The following DNAH7 variants were observed in gnomAD, a reference collection of about 807,000 sequenced individuals.
DNAH7 encodes the protein dynein axonemal heavy chain 7, also known as axonemal beta dynein heavy chain 7.
Under a neutral mutation model 444.6 loss-of-function variants are expected in DNAH7, and 397 were observed. The observed-to-expected ratio is 0.89, with a 90% CI of 0.82 to 0.97. DNAH7 has a LOEUF of 0.97. DNAH7 is among the 50% of genes least tolerant of loss of function. The pLI is 0.00. For synonymous variants in DNAH7, 1,636 were observed against 1,624.4 expected (o/e 1.01, Z -0.17); for missense variants, 4,902 against 4,800.8 (o/e 1.02, Z -0.62).
intron 5 of DNAH7, among the ~76,000 whole-genome samples, chr2:196,046,734 T>C (rs776701627): frequency 5.3e-5 from 8 of 151,840 alleles, no homozygotes; most frequent in Non-Finnish European, 1.2e-4. Flanking sequence ...CATGGGACAG[T>C]AGAACAGGGT....
intron 49 of DNAH7, among the ~76,000 whole-genome samples, chr2:195,819,243 G>A (rs987667171): frequency 2.0e-5 from 3 of 152,044 alleles, no homozygotes; most frequent in Non-Finnish European, 4.4e-5. Flanking sequence ...CTTCCTCATA[G>A]GGGTCTTAAC....
intron 5 of DNAH7, among the ~76,000 whole-genome samples, chr2:196,042,541 A>T (rs1696834702): frequency 6.6e-6 from 1 of 152,060 alleles, no homozygotes; most frequent in South Asian, 2.1e-4. Flanking sequence ...AAAAGGGCCA[A>T]ATATTTAAAT....
intron 5 of DNAH7, among the ~76,000 whole-genome samples, chr2:196,044,198 T>C (rs922412560): frequency 1.2e-5 from 1 of 83,092 alleles, no homozygotes; most frequent in African/African-American, 4.7e-5. Context: ...TTTATATATA[T>C]ATATATGTGT....
chr2:195,854,552 TTAAA>T (rs1386537502), intron 45 of DNAH7, among the ~76,000 whole-genome samples: 2 of 152,198 alleles, frequency 1.3e-5, no homozygotes, highest in Non-Finnish European at 2.9e-5. Context: ...TGTTCCCTCT[TTAAA>T]TATCTTTTGT....
Position 196,024,476 on chromosome 2 carries a change from C to A in DNAH7, c.696G>T (p.Glu232Asp). ...IVDFVLKDPR[E>D]KGDDKKTDEL... is the part of the protein sequence containing the mutation. The stretch of plus-strand genomic sequence containing the variant: ...CATCTGTCTTCTTATCATCTCCTTT[C>A]TCTCGAGGATCTTTTAAAACAAAAT... Residue 232 changes from glutamate (E) to aspartate (D), a missense_variant, in exon 8 of 65, where the codon GAG (glutamate) becomes GAT (aspartate). Coordinates refer to ENST00000312428, the MANE Select transcript of DNAH7 (RefSeq NM_018897.3). 6.3e-7 allele frequency: 1 copy of A among 1,582,218 alleles called. No homozygotes were observed. The highest frequency in any genetic ancestry group is 8.6e-7 in the Non-Finnish European group (1 of 1,166,742).
At chr2:195,882,859 C>T (rs988374562) in intron 35 of DNAH7, among the ~76,000 whole-genome samples, 5 of 152,128 alleles carry the variant, frequency 3.3e-5, no homozygotes, top group African/African-American at 9.7e-5. Context: ...TCCCTGGGCC[C>T]GAGCTTTGAT....
chr2:195,834,085 T>C, intron 48 of DNAH7, 121 bp downstream of exon 48: 1 of 996,984 alleles, frequency 1.0e-6, no homozygotes, highest in Non-Finnish European at 1.4e-6. Context: ...CATGTGCCTG[T>C]AGTCTCAGCT....
Position 195,796,562 on chromosome 2 carries a change from A to T in DNAH7, c.10515+14T>A. On this transcript the variant is annotated intron_variant, in intron 56 of 64. Coordinates refer to ENST00000312428, the MANE Select transcript of DNAH7 (RefSeq NM_018897.3). ...AGGGAATGCAATCTAATAAGTATAAACTTGCATTTTTACCTCACAGACTTT... is the reference window on the plus strand; with the variant it reads ...AGGGAATGCAATCTAATAAGTATAATCTTGCATTTTTACCTCACAGACTTT... 1 of 1,613,806 alleles carries T rather than the reference A, an allele frequency of 6.2e-7. No homozygotes were observed. The highest frequency in any genetic ancestry group is 1.6e-4 in the Middle Eastern group (1 of 6,062).
intron 45 of DNAH7, among the ~76,000 whole-genome samples, chr2:195,854,794 T>C (rs984851923): frequency 2.1e-4 from 32 of 152,202 alleles, no homozygotes; most frequent in Non-Finnish European, 4.1e-4. Context: ...TTCAAACATA[T>C]AGGAGAGTTG....
chr2:195,949,408 T>C (rs1690060150), intron 19 of DNAH7, among the ~76,000 whole-genome samples: 1 of 152,126 alleles, frequency 6.6e-6, no homozygotes, highest in African/African-American at 2.4e-5. Context: ...CTTCGCTTCC[T>C]GAGTAGCTGG....
chr2:195,791,805 G>T (rs2105983392), intron 57 of DNAH7, among the ~76,000 whole-genome samples: 1 of 152,322 alleles, frequency 6.6e-6, no homozygotes, highest in African/African-American at 2.4e-5. Context: ...TGCAGGAGCA[G>T]AAAACCAAAT....
chr2:196,023,189 AGT>A (rs1695482492), intron 8 of DNAH7, among the ~76,000 whole-genome samples: 1 of 152,090 alleles, frequency 6.6e-6, no homozygotes, highest in East Asian at 1.9e-4. Context: ...GATGTTTAAA[AGT>A]GTGTGGCATC....
intron 15 of DNAH7, among the ~76,000 whole-genome samples, chr2:195,976,782 A>AGAGAGAGAGAGAGG (rs1271798254): frequency 6.8e-5 from 10 of 146,596 alleles, no homozygotes; most frequent in South Asian, 2.1e-4. Flanking sequence ...AGAGAGAGAG[A>AGAGAGAGAGAGAGG]GAGAGACTCT....
chr2:195,941,386 G>A (rs545321583), intron 19 of DNAH7, among the ~76,000 whole-genome samples: 1 of 149,596 alleles, frequency 6.7e-6, no homozygotes, highest in East Asian at 2.0e-4. Flanking sequence ...TGGGGGGCAA[G>A]AGGAGGGAGA....
intron 9 of DNAH7, 77 bp from the exon 10 acceptor site, chr2:196,012,983 T>A: frequency 9.5e-7 from 1 of 1,050,884 alleles, no homozygotes; most frequent in Non-Finnish European, 1.3e-6. Flanking sequence ...GGTTCCTTCT[T>A]AAAAATATCA....
chr2:195,879,893 C>T (rs1701278609), intron 36 of DNAH7, among the ~76,000 whole-genome samples: 1 of 152,094 alleles, frequency 6.6e-6, no homozygotes. Flanking sequence ...AAATTATAGA[C>T]TCCTTCCTAC....
chr2:196,065,079 C>T (rs1698352969), intron 1 of DNAH7, among the ~76,000 whole-genome samples: 1 of 151,986 alleles, frequency 6.6e-6, no homozygotes, highest in African/African-American at 2.4e-5. Flanking sequence ...CCTGATAGGT[C>T]TTGATATCTG....
At chr2:195,912,384 G>T (rs1305526147) in intron 24 of DNAH7, among the ~76,000 whole-genome samples, 1 of 152,196 alleles carries the variant, frequency 6.6e-6, no homozygotes, top group African/African-American at 2.4e-5. Context: ...TGGGAGAAAA[G>T]AAACAGAGAG....
At position 196,027,963 on chromosome 2, in the gene DNAH7, G is replaced by C. The variant is rs777242244; in HGVS notation, c.483C>G (p.Ile161Met). Residue 161 changes from isoleucine to methionine, a missense_variant, in exon 6 of 65, where the codon ATC becomes ATG. Transcript: ENST00000312428. ...KPTASAIEKD[I>M]LRYYYYIHHG... ...GACAAAACAAATGGCCAGTTACCAA[G>C]ATGTCTTTCTCTATAGCAGAAGCGG... The C allele has an allele frequency of 1.9e-6, 3 of 1,610,776 alleles. No homozygotes were observed. Among genetic ancestry groups the C allele is most frequent in the Non-Finnish European group, 1.7e-6 (2 of 1,178,302 alleles).
Sources: gnomAD v4.1 joint callset for allele counts (sites outside exome capture counted in the v4.1 genomes callset) on GRCh38, gnomAD v4.1.1 for gene constraint, MANE v1.5 for transcripts, NCBI Gene and HGNC (gene_info 2026-07-23, HGNC 2026-07-21) for gene names.